The following CAMK4 variants were observed in gnomAD, a reference collection of about 807,000 sequenced individuals.
The protein encoded by CAMK4 is calcium/calmodulin dependent protein kinase IV.
Under a neutral mutation model 44.9 loss-of-function variants are expected in CAMK4, and 22 were observed. The ratio of observed to expected loss-of-function variants is 0.49; its 90% confidence interval spans 0.35 to 0.70. The LOEUF (loss-of-function observed/expected upper bound fraction) is 0.70, where lower values mean the gene tolerates loss of function less well. Among genes scored for constraint, CAMK4 ranks in the 30% least tolerant of loss-of-function variants. CAMK4 has a pLI of 0.01. For missense variants in CAMK4, 498 were observed against 586.8 expected, an observed-to-expected ratio of 0.85 and a Z score of 1.56; for synonymous variants, 218 against 215.4, an observed-to-expected ratio of 1.01 and a Z score of -0.11.
intron 5 of CAMK4, among the ~76,000 whole-genome samples, chr5:111,419,454 C>T (rs1044357434): frequency 5.3e-5 from 8 of 152,008 alleles, no homozygotes; most frequent in African/African-American, 1.9e-4. Context: ...TTAATTAGAT[C>T]CCATTTGTCA....
chr5:111,391,534 C>A (rs1751799837), intron 4 of CAMK4, among the ~76,000 whole-genome samples: 1 of 150,426 alleles, frequency 6.6e-6, no homozygotes, highest in African/African-American at 2.5e-5. Context: ...AAAAAAAAAA[C>A]ATGAAAATAA....
At chr5:111,236,998 C>A (rs981930555) in intron 1 of CAMK4, among the ~76,000 whole-genome samples, 4 of 152,114 alleles carry the variant, frequency 2.6e-5, no homozygotes, top group African/African-American at 9.7e-5. Context: ...CTATACGAAC[C>A]CACTTCTAAA....
chr5:111,437,043 G>A (rs991670942), intron 5 of CAMK4, among the ~76,000 whole-genome samples: 2 of 152,056 alleles, frequency 1.3e-5, no homozygotes, highest in Non-Finnish European at 1.5e-5. Context: ...TATTCTTATC[G>A]GTTTTTGGCC....
chr5:111,242,838 GC>G (rs1561357122), intron 1 of CAMK4, among the ~76,000 whole-genome samples: 3 of 144,926 alleles, frequency 2.1e-5, no homozygotes, highest in African/African-American at 7.7e-5. Flanking sequence ...CTCACTCCAC[GC>G]CCCCTCTTTC....
intron 1 of CAMK4, chr5:111,265,874 G>A (rs1174721742): frequency 6.6e-6 from 1 of 152,172 alleles, no homozygotes; most frequent in Admixed American, 6.5e-5. Flanking sequence ...AGATACAGAA[G>A]AAAGGGAAAG....
In CAMK4 at chr5:111,274,889, T is replaced by TA. The variant is rs769822006; in HGVS notation, c.161+50253dup. Among the ~76,000 whole-genome samples, 6 of 152,092 alleles carry TA rather than the reference T, an allele frequency of 3.9e-5. No homozygotes were observed. The East Asian group carries it at 5.8e-4, about 15-fold the overall frequency. ...TTAAGTGTTATACCACTCTTTTTTTTAAAAAAAATTATAAGCCTATGTAAT... is the reference window on the plus strand; with the variant it reads ...TTAAGTGTTATACCACTCTTTTTTTTAAAAAAAAATTATAAGCCTATGTAAT... On this transcript the variant is annotated intron_variant, in intron 1 of 10. Coordinates refer to ENST00000282356, the MANE Select transcript of CAMK4 (RefSeq NM_001744.6).
chr5:111,394,865 T>G, intron 5 of CAMK4, 83 bp downstream of exon 5: 1 of 839,312 alleles, frequency 1.2e-6, no homozygotes, highest in East Asian at 2.5e-5. Context: ...TGCGCATCTG[T>G]GATAAGCCAT....
At position 111,255,615 on chromosome 5, in the gene CAMK4, A is replaced by T. The variant is rs182058534; in HGVS notation, c.161+30971A>T. Among the ~76,000 whole-genome samples the T allele has an allele frequency of 3.3e-5, 5 of 152,186 alleles. No homozygotes were observed. In the East Asian group the frequency reaches 7.7e-4, roughly 24 times the overall value. Reference sequence around the variant, plus strand: ...CTTTTAGAGTCATGATTTTGTCACAACCTTAGCTGAGCCTGTCTCGGGAAT... The same window carrying T: ...CTTTTAGAGTCATGATTTTGTCACATCCTTAGCTGAGCCTGTCTCGGGAAT... On this transcript the variant is annotated intron_variant, in intron 1 of 10. Transcript: ENST00000282356.
chr5:111,471,880 A>G (rs2112485348), intron 7 of CAMK4, among the ~76,000 whole-genome samples: 2 of 149,670 alleles, frequency 1.3e-5, no homozygotes, highest in Middle Eastern at 3.4e-3. Context: ...GCCTCCCTCC[A>G]GAGCTCACTT....
chr5:111,455,499 A>G (rs1056095631), intron 7 of CAMK4, among the ~76,000 whole-genome samples: 3 of 152,214 alleles, frequency 2.0e-5, no homozygotes, highest in African/African-American at 4.8e-5. Context: ...GACAGGTAAA[A>G]GAGAGAGTCC....
intron 1 of CAMK4, among the ~76,000 whole-genome samples, chr5:111,297,465 G>C (rs887979451): frequency 1.3e-5 from 2 of 152,134 alleles, no homozygotes; most frequent in African/African-American, 4.8e-5. Flanking sequence ...TCAGTGTCCT[G>C]CTGAGCCATA....
chr5:111,263,089 GC>G (rs1561370643), intron 1 of CAMK4, among the ~76,000 whole-genome samples: 1 of 152,200 alleles, frequency 6.6e-6, no homozygotes, highest in African/African-American at 2.4e-5. Flanking sequence ...TAGTAAGACA[GC>G]GAAAAGAGAT....
intron 2 of CAMK4, among the ~76,000 whole-genome samples, chr5:111,355,737 G>A (rs1257084114): frequency 6.7e-6 from 1 of 150,012 alleles, no homozygotes; most frequent in East Asian, 2.0e-4. Context: ...CCATCTATGA[G>A]TGAGAACATG....
chr5:111,391,448 G>T lies in CAMK4; in HGVS notation c.387-3262G>T, dbSNP rs549454853. ...TTATGGGACGTGGATGGAGCTGGAG[G>T]TCAATAGAGGACAGACAATAAGGAG... On this transcript the variant is annotated intron_variant, in intron 4 of 10. Coordinates refer to ENST00000282356, the MANE Select transcript of CAMK4 (RefSeq NM_001744.6). 2.0e-5 allele frequency among the ~76,000 whole-genome samples: 3 copies of T among 152,126 alleles called. No individual in the cohort carries two copies. In the South Asian group the frequency reaches 6.2e-4, roughly 32 times the overall value.
At chr5:111,446,641 T>C in intron 5 of CAMK4, 45 bp from the exon 6 acceptor site, 1 of 981,958 alleles carries the variant, frequency 1.0e-6, no homozygotes, top group Non-Finnish European at 1.6e-6. Context: ...ATTCGAACCA[T>C]AAATAGCATT....
chr5:111,484,521 T>G lies in CAMK4; in HGVS notation c.*55T>G. 7.8e-7 allele frequency: 1 copy of G among 1,283,634 alleles called. No homozygotes were observed. Among genetic ancestry groups the G allele is most frequent in the Non-Finnish European group, 1.1e-6 (1 of 942,574 alleles). 79.5% of individuals were successfully genotyped at this position (1,283,634 alleles called of 1,614,324 possible). ...ACCGGCATTTTATGTACTTTGTCCT[T>G]CAGCAAGAAAGGTGTGGAAGCATGA... On this transcript the variant is annotated 3_prime_UTR_variant, in exon 11 of 11. Coordinates refer to ENST00000282356, the MANE Select transcript of CAMK4 (RefSeq NM_001744.6). This position sits in a 1 kb window ranked among gnomAD's most constrained non-coding sequence, Gnocchi z 5.3.
At chr5:111,330,260 T>TA (rs1266115216) in intron 1 of CAMK4, among the ~76,000 whole-genome samples, 8 of 151,336 alleles carry the variant, frequency 5.3e-5, no homozygotes, top group Non-Finnish European at 1.2e-4. Flanking sequence ...CATCAAGAAA[T>TA]AAAAAACAAT....
Position 111,492,786 on chromosome 5 carries a change from G to C in CAMK4, c.*8320G>C, listed in dbSNP as rs1755899144. On this transcript the variant is annotated 3_prime_UTR_variant, in exon 11 of 11. Transcript: ENST00000282356. ...ATCCAATGCTATCCTCCAGGAGTGAGCTTTGTAGTTGGAGAGAAAAGCCAA... is the reference window on the plus strand; with the variant it reads ...ATCCAATGCTATCCTCCAGGAGTGACCTTTGTAGTTGGAGAGAAAAGCCAA... 1 of 152,182 alleles carries C rather than the reference G, an allele frequency of 6.6e-6. No homozygotes were observed. The allele number at this position is 152,182 out of a possible 1,614,324, so 9.4% of individuals were successfully genotyped here. A position where few individuals can be genotyped will look rare whatever the true frequency, so the allele number is the denominator to read the frequency against.
intron 8 of CAMK4, among the ~76,000 whole-genome samples, chr5:111,474,614 G>T (rs575833150): frequency 6.6e-6 from 1 of 151,992 alleles, no homozygotes; most frequent in African/African-American, 2.4e-5. Flanking sequence ...AATTCAGTCC[G>T]TAGCAGAATG....
Sources: allele counts gnomAD v4.1 joint callset (sites outside exome capture counted in the v4.1 genomes callset), GRCh38; gene constraint gnomAD v4.1.1; non-coding constraint Gnocchi (gnomAD v3.1); transcripts MANE v1.5; gene names NCBI Gene and HGNC (gene_info 2026-07-23, HGNC 2026-07-21).